STXBP5L: variants seen among roughly 807,000 people sequenced by gnomAD.
STXBP5L encodes syntaxin-binding protein 5-like.
STXBP5L carries 65 observed loss-of-function variants against 144.5 expected under a neutral mutation model. That is an observed-to-expected ratio of 0.45 (90% CI 0.37 to 0.55). The LOEUF (loss-of-function observed/expected upper bound fraction) is 0.55. STXBP5L is among the 20% of genes least tolerant of loss of function. The probability of loss-of-function intolerance (pLI) is 0.00; values close to 1 mark genes in which losing one functional copy is unlikely to be tolerated. For missense variants in STXBP5L, 1,298 were observed against 1,405.5 expected, an observed-to-expected ratio of 0.92 and a Z score of 1.22; for synonymous variants, 505 against 469.6, an observed-to-expected ratio of 1.08 and a Z score of -0.97.
At chr3:121,366,055 A>G (rs1241193512) in intron 20 of STXBP5L, among the ~76,000 whole-genome samples, 1 of 151,810 alleles carries the variant, frequency 6.6e-6, no homozygotes, top group African/African-American at 2.4e-5. Context: ...AATTTCCACA[A>G]GTTTGTTAAT....
intron 7 of STXBP5L, among the ~76,000 whole-genome samples, chr3:121,126,522 GTTC>G (rs2044711604): frequency 1.3e-5 from 2 of 152,068 alleles, no homozygotes; most frequent in Admixed American, 6.6e-5. Context: ...CTTTAAAAAT[GTTC>G]TTCTGTGATT....
At chr3:121,241,610 G>A (rs2049674885) in intron 14 of STXBP5L, among the ~76,000 whole-genome samples, 1 of 152,068 alleles carries the variant, frequency 6.6e-6, no homozygotes, top group South Asian at 2.1e-4. Context: ...TGGTGTCAGT[G>A]GGGAGCTAGA....
At chr3:120,992,422 A>T (rs765878329) in intron 3 of STXBP5L, among the ~76,000 whole-genome samples, 51 of 151,996 alleles carry the variant, frequency 3.4e-4, no homozygotes, top group Admixed American at 1.6e-3. Flanking sequence ...GTATATTTGT[A>T]CCCATTAACT....
At chr3:121,053,230 T>A (rs1023209728) in intron 5 of STXBP5L, among the ~76,000 whole-genome samples, 1 of 151,982 alleles carries the variant, frequency 6.6e-6, no homozygotes, top group Non-Finnish European at 1.5e-5. Context: ...TTCACAGAAT[T>A]GGAAAAAACT....
At chr3:121,182,727 T>C (rs1207778633) in intron 9 of STXBP5L, among the ~76,000 whole-genome samples, 1 of 152,104 alleles carries the variant, frequency 6.6e-6, no homozygotes, top group East Asian at 1.9e-4. Flanking sequence ...TTTGAAAAGA[T>C]ACACAAAATT....
At chr3:121,346,522 G>T (rs1050271816) in intron 20 of STXBP5L, among the ~76,000 whole-genome samples, 2 of 151,992 alleles carry the variant, frequency 1.3e-5, no homozygotes, top group Non-Finnish European at 2.9e-5. Context: ...CTGAGGAATC[G>T]CCACACTGTC....
chr3:121,236,406 G>C (rs2049484484), intron 12 of STXBP5L, among the ~76,000 whole-genome samples: 1 of 152,204 alleles, frequency 6.6e-6, no homozygotes, highest in African/African-American at 2.4e-5. Context: ...TGTCTGGAAA[G>C]TCCAAGGTTG....
At chr3:121,336,679 G>A (rs1182218960) in intron 20 of STXBP5L, among the ~76,000 whole-genome samples, 1 of 152,072 alleles carries the variant, frequency 6.6e-6, no homozygotes, top group South Asian at 2.1e-4. Context: ...TTAAACTATT[G>A]TGGAAAGCAG....
At chr3:120,983,560 C>G (rs1183757188) in intron 3 of STXBP5L, among the ~76,000 whole-genome samples, 1 of 152,128 alleles carries the variant, frequency 6.6e-6, no homozygotes, top group African/African-American at 2.4e-5. Context: ...GGCTCAAAAG[C>G]CTGTGGGACT....
chr3:120,998,437 G>T (rs1211591071), intron 3 of STXBP5L, among the ~76,000 whole-genome samples: 1 of 151,930 alleles, frequency 6.6e-6, no homozygotes, highest in East Asian at 1.9e-4. Context: ...GAACGTGCAG[G>T]TTTGTTACAT....
intron 20 of STXBP5L, among the ~76,000 whole-genome samples, chr3:121,349,641 C>T (rs545393649): frequency 1.3e-5 from 2 of 152,140 alleles, no homozygotes; most frequent in East Asian, 3.9e-4. Flanking sequence ...CTGGGTACCC[C>T]TGTATTGGGG....
chr3:121,086,617 G>A (rs2042506809), intron 5 of STXBP5L, among the ~76,000 whole-genome samples: 3 of 152,128 alleles, frequency 2.0e-5, no homozygotes, highest in South Asian at 2.1e-4. Flanking sequence ...GAAGTGTTTT[G>A]GATTTTAGAT....
At chr3:121,171,097 A>G (rs2046695083) in intron 9 of STXBP5L, among the ~76,000 whole-genome samples, 1 of 152,176 alleles carries the variant, frequency 6.6e-6, no homozygotes, top group African/African-American at 2.4e-5. Context: ...CAACCACATG[A>G]TTTTCTCAAT....
chr3:121,094,674 G>T (rs184431661), intron 5 of STXBP5L, among the ~76,000 whole-genome samples: 2 of 152,114 alleles, frequency 1.3e-5, no homozygotes, highest in East Asian at 1.9e-4. Flanking sequence ...GTCTCTGCAC[G>T]TGAGATGGTT....
At position 121,407,382 on chromosome 3, in the gene STXBP5L, G is replaced by C. The variant is rs1334566985; in HGVS notation, c.2727G>C (p.Val909=). 9 of 1,612,878 alleles carry C rather than the reference G, an allele frequency of 5.6e-6. No individual in the cohort carries two copies. Among genetic ancestry groups the C allele is most frequent in the Non-Finnish European group, 7.6e-6 (9 of 1,179,350 alleles). ...DENEKSWRRK[V]VMNSSSASQE... ...ATGAAAAATCTTGGAGAAGGAAAGT[G>C]GTAATGAACTCATCTTCTGCATCCC... Residue 909 remains valine (V), a synonymous_variant, in exon 23 of 27, where the codon GTG becomes GTC. Transcript: ENST00000471454.
chr3:121,373,410 G>A (rs375015180), intron 20 of STXBP5L, among the ~76,000 whole-genome samples: 6 of 152,184 alleles, frequency 3.9e-5, no homozygotes, highest in East Asian at 1.9e-4. Context: ...GAGGGAATTC[G>A]TGCTGGGACC....
chr3:121,114,353 T>C (rs1559762509), intron 5 of STXBP5L, among the ~76,000 whole-genome samples: 1 of 152,200 alleles, frequency 6.6e-6, no homozygotes, highest in Admixed American at 6.5e-5. Context: ...GAATAAAAAC[T>C]AAATAATTTA....
intron 9 of STXBP5L, among the ~76,000 whole-genome samples, chr3:121,196,147 G>A (rs2108191527): frequency 6.6e-6 from 1 of 151,614 alleles, no homozygotes; most frequent in South Asian, 2.1e-4. Context: ...ATAGCATGGG[G>A]ATTTTAACAA....
chr3:120,922,638 T>C (rs1485257786), intron 2 of STXBP5L, among the ~76,000 whole-genome samples: 1 of 152,048 alleles, frequency 6.6e-6, no homozygotes, highest in Non-Finnish European at 1.5e-5. Context: ...GGTATGTTTT[T>C]TTCTATCCAG....
Sources: allele counts gnomAD v4.1 joint callset (sites outside exome capture counted in the v4.1 genomes callset), GRCh38; gene constraint gnomAD v4.1.1; transcripts MANE v1.5; gene names NCBI Gene and HGNC (gene_info 2026-07-23, HGNC 2026-07-21).